TSR1: variants seen among roughly 807,000 people sequenced by gnomAD.
TSR1 encodes TSR1 ribosome maturation factor.
A neutral mutation model predicts 90.9 loss-of-function variants in TSR1; 81 were observed. The observed-to-expected ratio is 0.89, with a 90% CI of 0.74 to 1.07. The LOEUF is 1.07. TSR1 is among the 50% of genes least tolerant of loss of function. The pLI is 0.00. For missense variants in TSR1, 989 were observed against 987.3 expected, an observed-to-expected ratio of 1.00 and a Z score of -0.02; for synonymous variants, 362 against 348.8, an observed-to-expected ratio of 1.04 and a Z score of -0.42.
In TSR1 at chr17:2,329,501, A is replaced by C. The variant is rs188235574; in HGVS notation, c.1771-26T>G. The C allele has an allele frequency of 1.9e-4, 313 of 1,612,764 alleles. No individual in the cohort carries two copies. In the African/African-American group the frequency reaches 3.8e-3, roughly 20 times the overall value. On this transcript the variant is annotated intron_variant, in intron 10 of 14. Transcript: ENST00000301364. Reference sequence around the variant, plus strand: ...CTGGGGACCAAGTAAGAAAAACAAAAATCTTCATAGTCTAGGAATACAATT... The same window carrying C: ...CTGGGGACCAAGTAAGAAAAACAAACATCTTCATAGTCTAGGAATACAATT...
chr17:2,333,150 A>T, intron 6 of TSR1, 26 bp from the exon 7 acceptor site: 3 of 1,612,090 alleles, frequency 1.9e-6, no homozygotes, highest in Non-Finnish European at 2.5e-6. Flanking sequence ...CAAATTAAGT[A>T]AATTACAGAC....
chr17:2,334,320 G>A (rs3785558), intron 5 of TSR1, 152 bp downstream of exon 5: 175,672 of 817,100 alleles, frequency 0.21, 20,728 homozygotes, highest in Admixed American at 0.33. Flanking sequence ...GGATAAATAT[G>A]TGATTTATCA....
In TSR1 at chr17:2,324,360, T is replaced by C. The variant is rs140027691; in HGVS notation, c.2251A>G (p.Met751Val). 513 of 1,565,866 alleles carry C rather than the reference T, an allele frequency of 3.3e-4. 1 individual carries two copies. The highest frequency in any genetic ancestry group is 3.1e-3 in the Admixed American group (158 of 51,606). ...IKEPLGTHGH[M>V]KCSFDGKLKS... is the part of the protein sequence containing the mutation. The stretch of plus-strand genomic sequence containing the variant: ...AGCTTCCCATCAAAGCTGCATTTCA[T>C]GTGGCCATGGGTACCTAGAAAGACA... Residue 751 changes from methionine (M) to valine (V), a missense_variant, in exon 15 of 15, where the codon ATG (methionine) becomes GTG (valine). Transcript: ENST00000301364.
In TSR1 at chr17:2,324,510, G is replaced by T. The variant is rs755085146; in HGVS notation, c.2230C>A (p.Pro744Thr). ...KWGRRGHIKE[P>T]LGTHGHMKCS... ...AAATCCCGTGTTTCCTTACCTAAAGGTTCCTTGATATGTCCTCTCCGGCCC... is the reference window on the plus strand; with the variant it reads ...AAATCCCGTGTTTCCTTACCTAAAGTTTCCTTGATATGTCCTCTCCGGCCC... The change falls in exon 14 of 15, where the codon CCT becomes ACT. Residue 744 changes from proline to threonine, a missense_variant. Physicochemically the swap from Pro to Thr is conservative, Grantham distance 38 (BLOSUM62 -1). Coordinates refer to ENST00000301364, the MANE Select transcript of TSR1 (RefSeq NM_018128.5). The T allele has an allele frequency of 4.3e-6, 7 of 1,614,164 alleles. No homozygotes were observed. The highest frequency in any genetic ancestry group is 5.9e-6 in the Non-Finnish European group (7 of 1,180,024).
At chr17:2,328,459 C>T (rs1257129459) in intron 11 of TSR1, among the ~76,000 whole-genome samples, 1 of 151,742 alleles carries the variant, frequency 6.6e-6, no homozygotes. Flanking sequence ...TCGTGCATGC[C>T]TGTAGTCCCA....
chr17:2,326,768 CTGGGACTGCAAAGCACA>C (rs1341317698), intron 11 of TSR1, among the ~76,000 whole-genome samples: 1 of 152,186 alleles, frequency 6.6e-6, no homozygotes, highest in Non-Finnish European at 1.5e-5. Context: ...TCCCAAGTAG[CTGGGACTGCAAAGCACA>C]TGCCACCACA....
intron 7 of TSR1, 103 bp downstream of exon 7, chr17:2,332,858 T>A (rs768066938): frequency 8.4e-6 from 10 of 1,184,210 alleles, no homozygotes; most frequent in South Asian, 5.4e-5. Context: ...ATAAAAAAAA[T>A]AAAAAAAAGA....
chr17:2,332,875 CCA>C (rs2064017003), intron 7 of TSR1, 84 bp downstream of exon 7: 1 of 1,289,416 alleles, frequency 7.8e-7, no homozygotes, highest in Non-Finnish European at 1.1e-6. Flanking sequence ...AAGAAACTAA[CCA>C]CACACACCCA....
intron 9 of TSR1, 98 bp from the exon 10 acceptor site, chr17:2,330,723 T>C (rs1301402001): frequency 1.5e-6 from 2 of 1,326,700 alleles, no homozygotes; most frequent in East Asian, 4.8e-5. Context: ...CAGATAAAAT[T>C]TTTAAAGCCA....
chr17:2,335,859 C>T (rs2064064265), intron 2 of TSR1, 129 bp from the exon 3 acceptor site: 2 of 1,282,638 alleles, frequency 1.6e-6, no homozygotes, highest in Non-Finnish European at 2.1e-6. Flanking sequence ...CACAGGTATG[C>T]CAGCGGGGTG....
intron 2 of TSR1, 93 bp downstream of exon 2, chr17:2,335,944 T>G: frequency 3.6e-6 from 5 of 1,405,038 alleles, no homozygotes; most frequent in South Asian, 2.4e-5. Flanking sequence ...GCTCTGTCCC[T>G]GGACCCTCCT....
At position 2,333,572 on chromosome 17, in the gene TSR1, GCTC is replaced by G. The variant is rs1444459763; in HGVS notation, c.1123_1125del (p.Glu375del). 6.2e-7 allele frequency: 1 copy of G among 1,614,086 alleles called. No individual in the cohort carries two copies. Among genetic ancestry groups the G allele is most frequent in the South Asian group, 1.1e-5 (1 of 91,078 alleles). ...CAATACTGACCCTTTGCCTCGCTCA[GCTC>G]CTCCTCAGTGGGCCAGGTTTGCTCT... On this transcript the variant is annotated inframe_deletion, in exon 6 of 15. Coordinates refer to ENST00000301364, the MANE Select transcript of TSR1 (RefSeq NM_018128.5).
At chr17:2,328,584 G>A (rs1310958652) in intron 11 of TSR1, among the ~76,000 whole-genome samples, 5 of 150,158 alleles carry the variant, frequency 3.3e-5, no homozygotes, top group African/African-American at 9.8e-5. Flanking sequence ...GTAAGACTCC[G>A]TCTCCAAAAA....
chr17:2,332,037 A>G (rs1298621799), intron 8 of TSR1, 132 bp downstream of exon 8: 3 of 959,820 alleles, frequency 3.1e-6, no homozygotes, highest in Non-Finnish European at 4.7e-6. Flanking sequence ...GCCTTCCCAT[A>G]TTAAATGTTA....
rs1224891034 is a variant in TSR1, at chr17:2,336,445, C to A, written c.-18G>T. ...GCCGCCATGCCGCAGCGCGCGTGTA[C>A]GGAGTCAGCACTGCTTCCGGGCCAG... On this transcript the variant is annotated 5_prime_UTR_variant, in exon 1 of 15. Coordinates refer to ENST00000301364, the MANE Select transcript of TSR1 (RefSeq NM_018128.5). 11 of 1,606,478 alleles carry A rather than the reference C, an allele frequency of 6.8e-6. No individual in the cohort carries two copies. Among genetic ancestry groups the A allele is most frequent in the Middle Eastern group, 4.4e-4 (2 of 4,500 alleles).
intron 11 of TSR1, among the ~76,000 whole-genome samples, chr17:2,328,090 A>G (rs1464507981): frequency 6.6e-6 from 1 of 151,882 alleles, no homozygotes; most frequent in African/African-American, 2.4e-5. Flanking sequence ...TAAAAATACA[A>G]AAATTAGCTA....
At position 2,323,891 on chromosome 17, in the gene TSR1, G is replaced by T; in HGVS notation, c.*305C>A. 2 of 1,607,422 alleles carry T rather than the reference G, an allele frequency of 1.2e-6. No individual in the cohort carries two copies. Among genetic ancestry groups the T allele is most frequent in the Non-Finnish European group, 1.7e-6 (2 of 1,174,654 alleles). ...CTGTTTAATTTACAGAAAAGGAAAT[G>T]GTGGGAATTCAGTGTCTTTAGATAC... On this transcript the variant is annotated 3_prime_UTR_variant, in exon 15 of 15. Transcript: ENST00000301364.
chr17:2,332,385 C>A, intron 7 of TSR1, 26 bp from the exon 8 acceptor site: 3 of 1,560,314 alleles, frequency 1.9e-6, no homozygotes, highest in Non-Finnish European at 2.6e-6. Flanking sequence ...ACAGTTTTTT[C>A]AGAAGAAATC....
At position 2,322,472 on chromosome 17, in the gene TSR1, T is replaced by C. The variant is rs1358798218; in HGVS notation, c.*1724A>G. ...CATCCACAAAAGGGAAGGCTCTTAC[T>C]TGGGCAGAAATGTATTACTTATTGT... On this transcript the variant is annotated 3_prime_UTR_variant, in exon 15 of 15. Transcript: ENST00000301364. The C allele has an allele frequency of 1.3e-5, 2 of 152,254 alleles. No homozygotes were observed. The highest frequency in any genetic ancestry group is 2.9e-5 in the Non-Finnish European group (2 of 68,106). 9.4% of individuals were successfully genotyped at this position (152,254 alleles called of 1,614,324 possible). A position where few individuals can be genotyped will look rare whatever the true frequency, so the allele number is the denominator to read the frequency against.
Sources: gnomAD v4.1 joint callset for allele counts (sites outside exome capture counted in the v4.1 genomes callset) on GRCh38, gnomAD v4.1.1 for gene constraint, MANE v1.5 for transcripts, NCBI Gene and HGNC (gene_info 2026-07-23, HGNC 2026-07-21) for gene names.